Variants in DCC observed in about 807,000 individuals in gnomAD.
The protein encoded by DCC is netrin receptor DCC.
DCC carries 58 observed loss-of-function variants against 172.5 expected under a neutral mutation model. That is an observed-to-expected ratio of 0.34 (90% CI 0.27 to 0.42). The LOEUF is 0.42. Among genes scored for constraint, DCC ranks in the 10% least tolerant of loss-of-function variants. The pLI, the probability that DCC is intolerant of heterozygous loss-of-function variation, is 1.00. For missense variants in DCC, 1,740 were observed against 1,791.0 expected (o/e 0.97, Z 0.51); for synonymous variants, 709 against 644.5 (o/e 1.10, Z -1.52).
intron 1 of DCC, among the ~76,000 whole-genome samples, chr18:52,503,364 A>G (rs1159834124): frequency 1.3e-5 from 2 of 152,122 alleles, no homozygotes; most frequent in East Asian, 3.9e-4. Context: ...GCTGATCTGA[A>G]CTGAGTTCTC....
chr18:53,081,520 AG>A (rs1392840389), intron 7 of DCC, among the ~76,000 whole-genome samples: 2 of 151,948 alleles, frequency 1.3e-5, no homozygotes, highest in East Asian at 3.9e-4. Flanking sequence ...AGGATTAAAA[AG>A]AAAAAAAAAA....
chr18:52,599,078 A>C (rs565555195), intron 1 of DCC, among the ~76,000 whole-genome samples: 4 of 152,196 alleles, frequency 2.6e-5, no homozygotes, highest in Non-Finnish European at 5.9e-5. Flanking sequence ...TTTGCAGAGG[A>C]TGTGAACAGT....
intron 7 of DCC, among the ~76,000 whole-genome samples, chr18:53,126,987 G>A (rs549338357): frequency 4.2e-4 from 64 of 152,124 alleles, no homozygotes; most frequent in African/African-American, 1.3e-3. Context: ...TAAGTTCTTC[G>A]AGGCTTTCCA....
In DCC at chr18:53,404,123, G is replaced by C. The variant is rs777279925; in HGVS notation, c.2935+1230G>C. ...TCTTTTCATTGGTTCTATGTCAGTA[G>C]TTGTGTAGCTTTTGATTTGTTTATA... On this transcript the variant is annotated intron_variant, in intron 19 of 28. Transcript: ENST00000442544. Among the ~76,000 whole-genome samples, 86 of 152,060 alleles carry C rather than the reference G, an allele frequency of 5.7e-4. 1 individual carries two copies. The highest frequency in any genetic ancestry group is 1.0e-3 in the Non-Finnish European group (71 of 68,006).
At chr18:53,123,290 G>C (rs1293302598) in intron 7 of DCC, among the ~76,000 whole-genome samples, 1 of 152,054 alleles carries the variant, frequency 6.6e-6, no homozygotes, top group African/African-American at 2.4e-5. Flanking sequence ...CGAAGTTGGG[G>C]GATGGTGGAG....
At chr18:53,313,309 G>T (rs142738090) in intron 13 of DCC, among the ~76,000 whole-genome samples, 2 of 151,930 alleles carry the variant, frequency 1.3e-5, no homozygotes, top group Admixed American at 6.6e-5. Context: ...GCAGCGGCAC[G>T]ATCTCGTCTC....
intron 1 of DCC, among the ~76,000 whole-genome samples, chr18:52,477,234 C>T (rs1018630446): frequency 3.3e-5 from 5 of 152,122 alleles, no homozygotes; most frequent in Admixed American, 2.0e-4. Context: ...GATCACCATT[C>T]CCTGCATCAT....
At chr18:52,498,388 C>T (rs2030883605) in intron 1 of DCC, among the ~76,000 whole-genome samples, 1 of 152,076 alleles carries the variant, frequency 6.6e-6, no homozygotes, top group South Asian at 2.1e-4. Context: ...CTTTGGGGGG[C>T]CAAGGTGGGT....
chr18:53,185,907 G>C (rs1358787070), intron 9 of DCC, among the ~76,000 whole-genome samples: 1 of 152,132 alleles, frequency 6.6e-6, no homozygotes, highest in Admixed American at 6.6e-5. Flanking sequence ...ACAGAATCTA[G>C]ACCTGAAGAT....
At chr18:52,877,619 A>T (rs1019517659) in intron 2 of DCC, among the ~76,000 whole-genome samples, 3 of 151,898 alleles carry the variant, frequency 2.0e-5, no homozygotes, top group Non-Finnish European at 2.9e-5. Flanking sequence ...AGGTGGGAGG[A>T]TCACCTGAGC....
chr18:52,970,053 G>T (rs1274233327), intron 5 of DCC, among the ~76,000 whole-genome samples: 1 of 151,992 alleles, frequency 6.6e-6, no homozygotes, highest in Non-Finnish European at 1.5e-5. Context: ...AAAGAATTAT[G>T]ATTTTATGGG....
At chr18:52,344,732 G>A (rs1486920763) in intron 1 of DCC, among the ~76,000 whole-genome samples, 1 of 152,120 alleles carries the variant, frequency 6.6e-6, no homozygotes, top group East Asian at 1.9e-4. Flanking sequence ...TAAAGTAAGT[G>A]TTCTTACCAT....
At chr18:53,333,229 G>GTCCTTT (rs1253478532) in intron 14 of DCC, among the ~76,000 whole-genome samples, 1 of 152,204 alleles carries the variant, frequency 6.6e-6, no homozygotes, top group Non-Finnish European at 1.5e-5. Context: ...GGGAAGTGAT[G>GTCCTTT]TCCTTTGGTG....
At chr18:53,046,479 G>GAAAA (rs10628083) in intron 5 of DCC, among the ~76,000 whole-genome samples, 2 of 148,228 alleles carry the variant, frequency 1.3e-5, no homozygotes, top group African/African-American at 2.5e-5. Context: ...TTTAAAACTG[G>GAAAA]AAAAAAAAAA....
intron 1 of DCC, among the ~76,000 whole-genome samples, chr18:52,666,448 C>G (rs1329645835): frequency 6.6e-6 from 1 of 152,096 alleles, no homozygotes; most frequent in Non-Finnish European, 1.5e-5. Flanking sequence ...AATAGCAGTA[C>G]TAGAATTTCC....
At chr18:52,640,532 G>A (rs1417247215) in intron 1 of DCC, among the ~76,000 whole-genome samples, 1 of 151,964 alleles carries the variant, frequency 6.6e-6, no homozygotes, top group African/African-American at 2.4e-5. Flanking sequence ...TAAGATTAAT[G>A]TACACAAATT....
chr18:53,041,110 G>GTGCCTATGTCCTGAATGGTAT (rs74178699), intron 5 of DCC, among the ~76,000 whole-genome samples: 46,385 of 150,580 alleles, frequency 0.31, 8,209 homozygotes, highest in African/African-American at 0.49. Context: ...GTCTTTGCCC[G>GTGCCTATGTCCTGAATGGTAT]TGCCTAGGTT....
intron 1 of DCC, among the ~76,000 whole-genome samples, chr18:52,598,908 T>C (rs759907534): frequency 1.2e-4 from 18 of 152,140 alleles, no homozygotes; most frequent in Non-Finnish European, 1.0e-4. Flanking sequence ...TGCCGTGTCC[T>C]CCTATGGCAG....
chr18:52,602,716 A>G (rs2034043501), intron 1 of DCC, among the ~76,000 whole-genome samples: 1 of 152,028 alleles, frequency 6.6e-6, no homozygotes, highest in African/African-American at 2.4e-5. Flanking sequence ...AAAATACTCT[A>G]GCAAACGAGA....
Sources: allele counts gnomAD v4.1 joint callset (sites outside exome capture counted in the v4.1 genomes callset), GRCh38; gene constraint gnomAD v4.1.1; transcripts MANE v1.5; gene names NCBI Gene and HGNC (gene_info 2026-07-23, HGNC 2026-07-21).